Variants in LZTFL1 observed in about 807,000 individuals in gnomAD.
LZTFL1 encodes leucine zipper transcription factor like 1, also known as leucine zipper transcription factor-like protein 1.
In LZTFL1, 25 loss-of-function variants were observed where a neutral mutation model predicts 45.9. The ratio of observed to expected loss-of-function variants is 0.54; its 90% confidence interval spans 0.40 to 0.76. The LOEUF (loss-of-function observed/expected upper bound fraction) is 0.76, where lower values mean the gene tolerates loss of function less well. Ranked by LOEUF, LZTFL1 falls within the 30% of genes least tolerant of loss-of-function variation. LZTFL1 has a pLI of 0.00. For synonymous variants in LZTFL1, 93 were observed against 117.4 expected, an observed-to-expected ratio of 0.79 and a Z score of 1.35; for missense variants, 277 against 331.1, an observed-to-expected ratio of 0.84 and a Z score of 1.27.
intron 2 of LZTFL1, among the ~76,000 whole-genome samples, chr3:45,895,713 T>TA (rs35514118): frequency 0.012 from 1,698 of 139,800 alleles, 24 homozygotes; most frequent in African/African-American, 0.037. Context: ...GACTCTGTCT[T>TA]AAAAAAAAAA....
At position 45,825,522 on chromosome 3, in the gene LZTFL1, C is replaced by T. The variant is rs751647753; in HGVS notation, c.*792G>A. On this transcript the variant is annotated 3_prime_UTR_variant, in exon 10 of 10. Transcript: ENST00000296135. ...TCTTTTAAAAAGTGTTCTTATTGAA[C>T]ATAAAATGTAAAATAACATTCTGGA... 1 of 152,112 alleles carries T rather than the reference C, an allele frequency of 6.6e-6. No individual in the cohort carries two copies. Among genetic ancestry groups the T allele is most frequent in the African/African-American group, 2.4e-5 (1 of 41,420 alleles). 9.4% of individuals were successfully genotyped at this position (152,112 alleles called of 1,614,324 possible).
At chr3:45,859,836 C>CA (rs1359978260) in intron 2 of LZTFL1, among the ~76,000 whole-genome samples, 1 of 152,048 alleles carries the variant, frequency 6.6e-6, no homozygotes, top group African/African-American at 2.4e-5. Context: ...AGGGTTTCAC[C>CA]ATGTTGGCCA....
At chr3:45,857,861 T>G (rs113716767) in intron 3 of LZTFL1, among the ~76,000 whole-genome samples, 11 of 152,326 alleles carry the variant, frequency 7.2e-5, no homozygotes, top group African/African-American at 2.2e-4. Flanking sequence ...GTGTTACAAT[T>G]GATGAACTAT....
At chr3:45,848,980 T>C (rs1701266296) in intron 4 of LZTFL1, among the ~76,000 whole-genome samples, 1 of 152,222 alleles carries the variant, frequency 6.6e-6, no homozygotes, top group African/African-American at 2.4e-5. Context: ...TTCAAACCAA[T>C]GTTGTTCAGG....
chr3:45,852,041 T>C (rs1299752671), intron 4 of LZTFL1, among the ~76,000 whole-genome samples: 1 of 152,166 alleles, frequency 6.6e-6, no homozygotes, highest in Non-Finnish European at 1.5e-5. Context: ...TCTCCCTCCC[T>C]TCTCTTAAAT....
At chr3:45,874,409 G>A (rs1046973889) in intron 2 of LZTFL1, among the ~76,000 whole-genome samples, 1 of 152,136 alleles carries the variant, frequency 6.6e-6, no homozygotes, top group Non-Finnish European at 1.5e-5. Context: ...GCAGGATGTG[G>A]ACATTTTGCT....
chr3:45,863,651 T>C (rs1701531063), intron 2 of LZTFL1, among the ~76,000 whole-genome samples: 1 of 152,152 alleles, frequency 6.6e-6, no homozygotes, highest in Admixed American at 6.5e-5. Flanking sequence ...GTCTAATCAA[T>C]ATGTAGATGT....
chr3:45,872,618 C>T (rs1344200467), intron 2 of LZTFL1, among the ~76,000 whole-genome samples: 1 of 152,170 alleles, frequency 6.6e-6, no homozygotes, highest in Non-Finnish European at 1.5e-5. Flanking sequence ...GTCTGAGGCA[C>T]CTCACAGCTC....
At position 45,838,023 on chromosome 3, in the gene LZTFL1, T is replaced by C; in HGVS notation, c.32A>G (p.Gln11Arg). The change falls in exon 2 of 10, where the codon CAA (glutamine) becomes CGA (arginine). Residue 11 changes from glutamine to arginine, a missense_variant. By Grantham distance (43) the Gln-to-Arg change is conservative (BLOSUM62 1). Transcript: ENST00000296135. MAELGLNEHH[Q>R]NEVINYMRFA... is the part of the protein sequence containing the mutation. ...ACGCATATAATTAATAACTTCATTTTGATGGTGCTCATTTAGGCCCAACTC... is the reference window on the plus strand; with the variant it reads ...ACGCATATAATTAATAACTTCATTTCGATGGTGCTCATTTAGGCCCAACTC... The C allele has an allele frequency of 6.2e-7, 1 of 1,611,328 alleles. No homozygotes were observed.
chr3:45,836,780 A>G (rs1700978090), intron 2 of LZTFL1, among the ~76,000 whole-genome samples: 1 of 152,226 alleles, frequency 6.6e-6, no homozygotes, highest in Non-Finnish European at 1.5e-5. Context: ...AAGAGTGGAG[A>G]TGACTTGCCT....
chr3:45,862,466 AG>A (rs146162349), intron 2 of LZTFL1, among the ~76,000 whole-genome samples: 3,258 of 152,312 alleles, frequency 0.021, 55 homozygotes, highest in Non-Finnish European at 0.032. Flanking sequence ...CAGGGCATGG[AG>A]GAGATGGGAT....
At position 45,900,915 on chromosome 3, in the gene LZTFL1, G is replaced by A. The variant is rs1559426587; in HGVS notation, c.-215+12205C>T. 3.7e-6 allele frequency: 6 copies of A among 1,614,166 alleles called. No individual in the cohort carries two copies. The highest frequency in any genetic ancestry group is 3.4e-6 in the Non-Finnish European group (4 of 1,180,034). On this transcript the variant is annotated intron_variant, in intron 2 of 4. Transcript: ENST00000472635. The surrounding 1 kb of genome is among the most constrained non-coding windows in gnomAD (Gnocchi z 4.7). ...TGACTTCTACTGTGAGAAAAACAAT[G>A]TCAGGCAGTTTGCGAGCCATTTCCT...
chr3:45,860,762 T>C (rs923977122), intron 2 of LZTFL1, among the ~76,000 whole-genome samples: 2 of 152,170 alleles, frequency 1.3e-5, no homozygotes, highest in Non-Finnish European at 2.9e-5. Flanking sequence ...GGTTGCATTC[T>C]CACCTAGTCT....
At chr3:45,843,732 A>C (rs1333302442), upstream of LZTFL1, among the ~76,000 whole-genome samples, 1 of 152,214 alleles carries the variant, frequency 6.6e-6, no homozygotes, top group Non-Finnish European at 1.5e-5. Flanking sequence ...TACCCAACAG[A>C]GTTGAGTGTT....
At chr3:45,857,748 A>G (rs1032527645) in intron 3 of LZTFL1, among the ~76,000 whole-genome samples, 1 of 152,260 alleles carries the variant, frequency 6.6e-6, no homozygotes, top group Non-Finnish European at 1.5e-5. Context: ...TTTTGGGTCC[A>G]AAACAAAATT....
chr3:45,888,398 A>G (rs1702048381), intron 2 of LZTFL1, among the ~76,000 whole-genome samples: 1 of 152,190 alleles, frequency 6.6e-6, no homozygotes, highest in Non-Finnish European at 1.5e-5. Context: ...ACCACAACTC[A>G]TAGCACTTTC....
intron 1 of LZTFL1, among the ~76,000 whole-genome samples, chr3:45,839,012 T>C (rs187172298): frequency 6.6e-6 from 1 of 152,342 alleles, no homozygotes; most frequent in African/African-American, 2.4e-5. Flanking sequence ...AGTCACACAT[T>C]AGTATGGGCA....
chr3:45,893,999 A>AT (rs1394192869), intron 2 of LZTFL1, among the ~76,000 whole-genome samples: 1 of 152,048 alleles, frequency 6.6e-6, no homozygotes, highest in African/African-American at 2.4e-5. Context: ...GAAAGAGGCT[A>AT]TTTTTTTCGA....
chr3:45,848,040 C>A (rs1039030422), intron 4 of LZTFL1, among the ~76,000 whole-genome samples: 1 of 152,208 alleles, frequency 6.6e-6, no homozygotes, highest in Non-Finnish European at 1.5e-5. Context: ...TCGACCCATC[C>A]TTTGCTGGCA....
Sources: allele counts gnomAD v4.1 joint callset (sites outside exome capture counted in the v4.1 genomes callset), GRCh38; gene constraint gnomAD v4.1.1; non-coding constraint Gnocchi (gnomAD v3.1); transcripts MANE v1.5; gene names NCBI Gene and HGNC (gene_info 2026-07-23, HGNC 2026-07-21).